The following MON1B variants were observed in gnomAD, a reference collection of about 807,000 sequenced individuals.
MON1B encodes the protein MON1 vesicular trafficking associated B, also known as vacuolar fusion protein MON1 homolog B.
MON1B carries 26 observed loss-of-function variants against 45.1 expected under a neutral mutation model. That is an observed-to-expected ratio of 0.58 (90% CI 0.42 to 0.80). The LOEUF is 0.80. Among genes scored for constraint, MON1B ranks in the 30% least tolerant of loss-of-function variants. The pLI is 0.00. For synonymous variants in MON1B, 395 were observed against 320.2 expected, an observed-to-expected ratio of 1.23 and a Z score of -2.49; for missense variants, 737 against 754.5, an observed-to-expected ratio of 0.98 and a Z score of 0.27.
At position 77,191,519 on chromosome 16, in the gene MON1B, C is replaced by T. The variant is rs990211107; in HGVS notation, c.34C>T (p.Pro12Ser). 8.1e-6 allele frequency: 13 copies of T among 1,608,232 alleles called. No homozygotes were observed. The highest frequency in any genetic ancestry group is 4.0e-5 in the African/African-American group (3 of 74,516). The change falls in exon 2 of 6, where the codon CCC (proline) becomes TCC (serine). Residue 12 changes from proline (P) to serine (S), a missense_variant. Physicochemically the swap from Pro to Ser is moderately conservative, Grantham distance 74. Coordinates refer to ENST00000248248, the MANE Select transcript of MON1B (RefSeq NM_014940.4). Reference protein sequence around the residue: ...EVGGDTAAPAPGGAEDLEDTQ... With the variant: ...EVGGDTAAPASGGAEDLEDTQ... ...CGGAGGAGACACTGCTGCCCCGGCC[C>T]CCGGGGGCGCGGAGGACTTGGAGGA...
Position 77,193,486 on chromosome 16 carries a change from C to A in MON1B, c.184C>A (p.Pro62Thr), listed in dbSNP as rs530205892. Residue 62 changes from proline (P) to threonine (T), a missense_variant, in exon 3 of 6, where the codon CCA becomes ACA. Physicochemically the swap from Pro to Thr is conservative, Grantham distance 38. Coordinates refer to ENST00000248248, the MANE Select transcript of MON1B (RefSeq NM_014940.4). The surrounding 1 kb of genome is among the most constrained non-coding windows in gnomAD (Gnocchi z 5.0). ...KDKDQPPSPS[P>T]PPQSEALSST... ...CAAGGACCAGCCACCCAGCCCATCA[C>A]CACCGCCCCAGTCAGAGGCCCTGTC... 3.1e-6 allele frequency: 5 copies of A among 1,590,672 alleles called. No homozygotes were observed. In the South Asian group the frequency reaches 5.7e-5, roughly 18 times the overall value.
rs192931737 is a variant in MON1B, at chr16:77,200,884, C to T, written c.*2576C>T. ...GTAGAGAAAATAGCTTTAAACAAAG[C>T]CCATGTGTACCTATCAGTATGCTTT... On this transcript the variant is annotated 3_prime_UTR_variant, in exon 6 of 6. Coordinates refer to ENST00000248248, the MANE Select transcript of MON1B (RefSeq NM_014940.4). 23 of 152,064 alleles carry T rather than the reference C, an allele frequency of 1.5e-4. No homozygotes were observed. In the East Asian group the frequency reaches 3.7e-3, roughly 24 times the overall value. The allele number at this position is 152,064 out of a possible 1,614,324, so 9.4% of individuals were successfully genotyped here. A position where few individuals can be genotyped will look rare whatever the true frequency, so the allele number is the denominator to read the frequency against.
At position 77,200,256 on chromosome 16, in the gene MON1B, G is replaced by GTATATATATATATATGTATATATATA. The variant is rs2054720013; in HGVS notation, c.*1965_*1966insATATATATATATATATATATATATGT. 15 of 83,624 alleles carry GTATATATATATATATGTATATATATA rather than the reference G, an allele frequency of 1.8e-4. 1 individual carries two copies. The highest frequency in any genetic ancestry group is 5.6e-4 in the African/African-American group (15 of 26,946). The allele number at this position is 83,624 out of a possible 1,614,324, so 5.2% of individuals were successfully genotyped here. On this transcript the variant is annotated 3_prime_UTR_variant, in exon 6 of 6. Transcript: ENST00000248248. The stretch of plus-strand genomic sequence containing the variant: ...TGTATATATATATATATGTATATGT[G>GTATATATATATATATGTATATATATA]TATATATATATATATGTGTATATAT...
In MON1B at chr16:77,199,507, C is replaced by A. The variant is rs2054706872; in HGVS notation, c.*1199C>A. On this transcript the variant is annotated 3_prime_UTR_variant, in exon 6 of 6. Transcript: ENST00000248248. ...GAGGCGCCAGAAGCTACTGAGGAGG[C>A]TGAAGGTAGTGAGGGCAAGTGGGCT... is the stretch of plus-strand genomic sequence containing the variant. The A allele has an allele frequency of 1.3e-6, 2 of 1,551,208 alleles. No individual in the cohort carries two copies. The highest frequency in any genetic ancestry group is 2.4e-5 in the South Asian group (2 of 84,050).
Position 77,198,778 on chromosome 16 carries a change from A to C in MON1B, c.*470A>C, listed in dbSNP as rs545949970. 9.1e-4 allele frequency: 160 copies of C among 175,480 alleles called. 1 individual carries two copies. Among genetic ancestry groups the C allele is most frequent in the Non-Finnish European group, 1.6e-3 (129 of 80,438 alleles). 10.9% of individuals were successfully genotyped at this position (175,480 alleles called of 1,614,324 possible). On this transcript the variant is annotated 3_prime_UTR_variant, in exon 6 of 6. Transcript: ENST00000248248. Reference sequence around the variant, plus strand: ...ATTTTAAAGAAAAAAACTACATAAAAGGCCTAAAAGTAAGACCCACAAGGA... The same window carrying C: ...ATTTTAAAGAAAAAAACTACATAAACGGCCTAAAAGTAAGACCCACAAGGA...
intron 4 of MON1B, 138 bp downstream of exon 4, chr16:77,195,292 G>GCTCC: frequency 7.6e-6 from 8 of 1,050,008 alleles, no homozygotes; most frequent in Non-Finnish European, 8.0e-6. Flanking sequence ...TCTGTCTGAT[G>GCTCC]ATGGAGCATC....
At position 77,194,843 on chromosome 16, in the gene MON1B, C is replaced by G. The variant is rs772061049; in HGVS notation, c.984C>G (p.Pro328=). The G allele has an allele frequency of 3.1e-6, 5 of 1,610,750 alleles. No homozygotes were observed. The highest frequency in any genetic ancestry group is 1.1e-5 in the South Asian group (1 of 91,088). The change falls in exon 4 of 6, where the codon CCC becomes CCG. Residue 328 remains proline (P), a synonymous_variant. Coordinates refer to ENST00000248248, the MANE Select transcript of MON1B (RefSeq NM_014940.4). The surrounding 1 kb of genome is among the most constrained non-coding windows in gnomAD (Gnocchi z 8.1). The part of the protein sequence containing the change: ...AGEAWAPVCL[P]RFNPDGFFYA... ...AGGCTTGGGCACCTGTGTGCCTGCC[C>G]CGCTTCAACCCTGATGGTTTTTTCT...
At chr16:77,192,816 A>G (rs968421983) in intron 2 of MON1B, among the ~76,000 whole-genome samples, 6 of 152,096 alleles carry the variant, frequency 3.9e-5, no homozygotes, top group Admixed American at 3.9e-4. Flanking sequence ...TTTGTGAACC[A>G]CAGTGGGAGT....
Position 77,198,247 on chromosome 16 carries a change from C to G in MON1B, c.1583C>G (p.Ser528Cys), listed in dbSNP as rs746238511. The change falls in exon 6 of 6, where the codon TCC becomes TGC. Residue 528 changes from serine (S) to cysteine (C), a missense_variant. Coordinates refer to ENST00000248248, the MANE Select transcript of MON1B (RefSeq NM_014940.4). ...RLFIRYPPKYSTPPATSTDQA... is the reference protein window; with the variant it reads ...RLFIRYPPKYCTPPATSTDQA... Reference sequence around the variant, plus strand: ...TTCATTCGTTACCCACCCAAGTACTCCACACCACCAGCCACCTCTACGGAC... The same window carrying G: ...TTCATTCGTTACCCACCCAAGTACTGCACACCACCAGCCACCTCTACGGAC... 1 of 1,614,212 alleles carries G rather than the reference C, an allele frequency of 6.2e-7. No homozygotes were observed. The highest frequency in any genetic ancestry group is 1.1e-5 in the South Asian group (1 of 91,078).
chr16:77,199,528 G>T lies in MON1B; in HGVS notation c.*1220G>T. ...GAGGCTGAAGGTAGTGAGGGCAAGT[G>T]GGCTGCACTCCTTTCTCTCCAACCA... On this transcript the variant is annotated 3_prime_UTR_variant, in exon 6 of 6. Coordinates refer to ENST00000248248, the MANE Select transcript of MON1B (RefSeq NM_014940.4). The T allele has an allele frequency of 2.6e-6, 4 of 1,545,032 alleles. No individual in the cohort carries two copies. Among genetic ancestry groups the T allele is most frequent in the Non-Finnish European group, 3.5e-6 (4 of 1,141,196 alleles).
chr16:77,195,464 T>C lies in MON1B; in HGVS notation c.1296-71T>C, dbSNP rs1162436013. ...CCTAACTTCATTGAAATCTCTAGACTGAGGGAGGAAATGGGCCAGCCAAGA... is the reference window on the plus strand; with the variant it reads ...CCTAACTTCATTGAAATCTCTAGACCGAGGGAGGAAATGGGCCAGCCAAGA... On this transcript the variant is annotated intron_variant, in intron 4 of 5. Transcript: ENST00000248248. The C allele has an allele frequency of 2.7e-6, 4 of 1,500,490 alleles. No homozygotes were observed. The African/African-American group carries it at 5.6e-5, about 21-fold the overall frequency. The allele number at this position is 1,500,490 out of a possible 1,614,324, so 92.9% of individuals were successfully genotyped here. A position where few individuals can be genotyped will look rare whatever the true frequency, so the allele number is the denominator to read the frequency against.
At position 77,194,048 on chromosome 16, in the gene MON1B, A is replaced by G; in HGVS notation, c.475+271A>G. ...GATAACTGTGGGGGCTGTGTGGTTG[A>G]GCTGTGTCTTTCTGGCTCTGTGTCA... On this transcript the variant is annotated intron_variant, in intron 3 of 5. Coordinates refer to ENST00000248248, the MANE Select transcript of MON1B (RefSeq NM_014940.4). The surrounding 1 kb of genome is among the most constrained non-coding windows in gnomAD (Gnocchi z 8.1). The G allele has an allele frequency of 1.7e-6, 1 of 598,078 alleles. No individual in the cohort carries two copies. Among genetic ancestry groups the G allele is most frequent in the Non-Finnish European group, 3.0e-6 (1 of 336,804 alleles). 37.0% of individuals were successfully genotyped at this position (598,078 alleles called of 1,614,324 possible). A position where few individuals can be genotyped will look rare whatever the true frequency, so the allele number is the denominator to read the frequency against.
chr16:77,197,753 C>T (rs1227749935), intron 5 of MON1B, among the ~76,000 whole-genome samples: 1 of 152,088 alleles, frequency 6.6e-6, no homozygotes, highest in Admixed American at 6.5e-5. Flanking sequence ...TATTCCCTGG[C>T]TGTAGATGAT....
Position 77,195,001 on chromosome 16 carries a change from G to C in MON1B, c.1142G>C (p.Arg381Pro), listed in dbSNP as rs369459121. 3 of 1,613,354 alleles carry C rather than the reference G, an allele frequency of 1.9e-6. No individual in the cohort carries two copies. Among genetic ancestry groups the C allele is most frequent in the Non-Finnish European group, 2.5e-6 (3 of 1,179,892 alleles). Residue 381 changes from arginine (R) to proline (P), a missense_variant, in exon 4 of 6, where the codon CGT (arginine) becomes CCT (proline). Physicochemically the swap from Arg to Pro is moderately radical, Grantham distance 103 (BLOSUM62 -2). Coordinates refer to ENST00000248248, the MANE Select transcript of MON1B (RefSeq NM_014940.4). The stretch of plus-strand genomic sequence containing the variant: ...GGGATGCATGCCCTTGGTGCCATGC[G>C]TGCCCTTGGGGAGGCTGCCAGCTTC... Reference protein sequence around the residue: ...EDGMHALGAMRALGEAASFSN... With the variant: ...EDGMHALGAMPALGEAASFSN...
chr16:77,194,028 C>A lies in MON1B; in HGVS notation c.475+251C>A. ...ACTTCTGTGTCACCTGAGAGGATAA[C>A]TGTGGGGGCTGTGTGGTTGAGCTGT... On this transcript the variant is annotated intron_variant, in intron 3 of 5. Transcript: ENST00000248248. The surrounding 1 kb of genome is among the most constrained non-coding windows in gnomAD (Gnocchi z 8.1). The A allele has an allele frequency of 3.3e-6, 2 of 600,624 alleles. No homozygotes were observed. The highest frequency in any genetic ancestry group is 5.9e-6 in the Non-Finnish European group (2 of 338,604). The allele number at this position is 600,624 out of a possible 1,614,324, so 37.2% of individuals were successfully genotyped here. A position where few individuals can be genotyped will look rare whatever the true frequency, so the allele number is the denominator to read the frequency against.
At chr16:77,196,563 G>C (rs2054667346) in intron 5 of MON1B, among the ~76,000 whole-genome samples, 1 of 152,078 alleles carries the variant, frequency 6.6e-6, no homozygotes, top group Admixed American at 6.5e-5. Flanking sequence ...ATCACTTGAG[G>C]TCAGGAGTTC....
Position 77,200,232 on chromosome 16 carries a change from G to GTGTCTATATATATGTATATGTGTA in MON1B, c.*1925_*1926insGTCTATATATATGTATATGTGTAT, listed in dbSNP as rs1356340224. 2.3e-5 allele frequency: 3 copies of GTGTCTATATATATGTATATGTGTA among 132,138 alleles called. No individual in the cohort carries two copies. The highest frequency in any genetic ancestry group is 8.6e-5 in the African/African-American group (3 of 34,896). 8.2% of individuals were successfully genotyped at this position (132,138 alleles called of 1,614,324 possible). On this transcript the variant is annotated 3_prime_UTR_variant, in exon 6 of 6. Transcript: ENST00000248248. ...TTTATATGTATGTATGTATGTGTGT[G>GTGTCTATATATATGTATATGTGTA]TATATATATATATATGTATATGTGT...
chr16:77,201,569 C>G lies in MON1B; in HGVS notation c.*3261C>G, dbSNP rs2054743465. 6.6e-6 allele frequency: 1 copy of G among 152,156 alleles called. No homozygotes were observed. The highest frequency in any genetic ancestry group is 1.5e-5 in the Non-Finnish European group (1 of 68,036). The allele number at this position is 152,156 out of a possible 1,614,324, so 9.4% of individuals were successfully genotyped here. A position where few individuals can be genotyped will look rare whatever the true frequency, so the allele number is the denominator to read the frequency against. ...GCAGTCGGCAGAGTATTTTTAGCATCTAAAATGCTCTTCCACTTCGGCAGT... is the reference window on the plus strand; with the variant it reads ...GCAGTCGGCAGAGTATTTTTAGCATGTAAAATGCTCTTCCACTTCGGCAGT... On this transcript the variant is annotated 3_prime_UTR_variant, in exon 6 of 6. Transcript: ENST00000248248.
rs1419950423 is a variant in MON1B, at chr16:77,199,789, A to G, written c.*1481A>G. ...AGTTCAGTACGAAAGTCTTCAAACA[A>G]AAGTGGGGCGGTGGGGATGTTCTCA... is the stretch of plus-strand genomic sequence containing the variant. On this transcript the variant is annotated 3_prime_UTR_variant, in exon 6 of 6. Coordinates refer to ENST00000248248, the MANE Select transcript of MON1B (RefSeq NM_014940.4). 9.3e-6 allele frequency: 3 copies of G among 322,762 alleles called. No individual in the cohort carries two copies. The East Asian group carries it at 1.7e-4, about 19-fold the overall frequency. The allele number at this position is 322,762 out of a possible 1,614,324, so 20.0% of individuals were successfully genotyped here. A position where few individuals can be genotyped will look rare whatever the true frequency, so the allele number is the denominator to read the frequency against.
Sources: allele counts gnomAD v4.1 joint callset (sites outside exome capture counted in the v4.1 genomes callset), GRCh38; gene constraint gnomAD v4.1.1; non-coding constraint Gnocchi (gnomAD v3.1); transcripts MANE v1.5; gene names NCBI Gene and HGNC (gene_info 2026-07-23, HGNC 2026-07-21).